FHIT: variants seen among roughly 807,000 people sequenced by gnomAD.
The protein encoded by FHIT is fragile histidine triad diadenosine triphosphatase.
Under a neutral mutation model 17.9 loss-of-function variants are expected in FHIT, and 19 were observed. The observed-to-expected ratio is 1.06, with a 90% CI of 0.74 to 1.56. The LOEUF (loss-of-function observed/expected upper bound fraction) is 1.56, where lower values mean the gene tolerates loss of function less well. FHIT is among the 40% of genes most tolerant of loss of function. FHIT has a pLI of 0.00. For synonymous variants in FHIT, 81 were observed against 69.7 expected, an observed-to-expected ratio of 1.16 and a Z score of -0.81; for missense variants, 248 against 189.2, an observed-to-expected ratio of 1.31 and a Z score of -1.82.
chr3:60,215,247 G>A (rs6808530), intron 5 of FHIT, among the ~76,000 whole-genome samples: 2 of 151,914 alleles, frequency 1.3e-5, no homozygotes, highest in Admixed American at 1.3e-4. Context: ...ATCCCAGCAC[G>A]TTGGGAGGCC....
intron 7 of FHIT, among the ~76,000 whole-genome samples, chr3:59,948,818 AT>A (rs1371646039): frequency 3.3e-5 from 5 of 150,522 alleles, no homozygotes; most frequent in African/African-American, 1.2e-4. Context: ...TGTATTGTTC[AT>A]TTTTTCTATC....
rs1410202207 is a variant in FHIT, at chr3:59,948,379, T to C, written c.280-25965A>G. ...AAAAAAAAAAAAAATTAGCCGGGCATAGTGGCATGTGCCTATAGTCCCAGC... is the reference window on the plus strand; with the variant it reads ...AAAAAAAAAAAAAATTAGCCGGGCACAGTGGCATGTGCCTATAGTCCCAGC... On this transcript the variant is annotated intron_variant, in intron 7 of 9. Transcript: ENST00000492590. Among the ~76,000 whole-genome samples, 3 of 142,974 alleles carry C rather than the reference T, an allele frequency of 2.1e-5. No individual in the cohort carries two copies. In the East Asian group the frequency reaches 6.3e-4, roughly 30 times the overall value. The allele number at this position is 142,974 out of a possible 152,430, so 93.8% of individuals were successfully genotyped here.
intron 4 of FHIT, among the ~76,000 whole-genome samples, chr3:60,539,001 G>C (rs912781826): frequency 2.6e-5 from 4 of 151,996 alleles, no homozygotes; most frequent in African/African-American, 9.7e-5. Flanking sequence ...AGAGTGAACA[G>C]GCAACCTACA....
At chr3:59,887,280 C>T (rs1287190473) in intron 8 of FHIT, among the ~76,000 whole-genome samples, 3 of 152,158 alleles carry the variant, frequency 2.0e-5, no homozygotes, top group Admixed American at 2.0e-4. Context: ...TCCCATGGCC[C>T]ATCTCTGTTC....
rs535882326 is a variant in FHIT at position 59,968,968 on chromosome 3, G to C, written c.279+42403C>G. ...TCTTCACTAGGGTCTCTTCATCTTC[G>C]AATTTTGCTGAGCATCATCACAGTC... On this transcript the variant is annotated intron_variant, in intron 7 of 9. Transcript: ENST00000492590. Among the ~76,000 whole-genome samples the C allele has an allele frequency of 2.6e-5, 4 of 152,240 alleles. No individual in the cohort carries two copies. The South Asian group carries it at 6.2e-4, about 24-fold the overall frequency.
intron 7 of FHIT, among the ~76,000 whole-genome samples, chr3:59,972,772 G>A (rs998542752): frequency 6.6e-6 from 1 of 152,082 alleles, no homozygotes; most frequent in Non-Finnish European, 1.5e-5. Flanking sequence ...ACAGGTCTCA[G>A]TAGTACTCCT....
intron 5 of FHIT, among the ~76,000 whole-genome samples, chr3:60,048,796 G>C (rs779818969): frequency 6.6e-6 from 1 of 152,170 alleles, no homozygotes; most frequent in African/African-American, 2.4e-5. Context: ...GATGCCCTCC[G>C]ATGACATTAA....
At chr3:61,050,003 CA>C (rs1398372206) in intron 2 of FHIT, among the ~76,000 whole-genome samples, 1 of 152,144 alleles carries the variant, frequency 6.6e-6, no homozygotes, top group Non-Finnish European at 1.5e-5. Context: ...ATCACACTCC[CA>C]ATCATATGTC....
chr3:59,789,637 G>C (rs975879877), intron 8 of FHIT, among the ~76,000 whole-genome samples: 4 of 152,188 alleles, frequency 2.6e-5, no homozygotes, highest in African/African-American at 9.6e-5. Context: ...TGGCTAGCCT[G>C]TGACATTGAG....
chr3:60,966,411 C>CT (rs746975470), intron 3 of FHIT, among the ~76,000 whole-genome samples: 20 of 152,364 alleles, frequency 1.3e-4, no homozygotes, highest in Non-Finnish European at 2.2e-4. Context: ...TCCCGCCCTG[C>CT]TTTGGCTCAT....
At chr3:60,494,813 T>C (rs2362897) in intron 5 of FHIT, among the ~76,000 whole-genome samples, 1 of 152,090 alleles carries the variant, frequency 6.6e-6, no homozygotes, top group African/African-American at 2.4e-5. Flanking sequence ...GATCTCATTC[T>C]TTTTTGTGGA....
At chr3:59,879,143 C>A (rs1013568248) in intron 8 of FHIT, among the ~76,000 whole-genome samples, 7 of 152,186 alleles carry the variant, frequency 4.6e-5, no homozygotes, top group Non-Finnish European at 8.8e-5. Flanking sequence ...CCAGAGATTA[C>A]TGATTACATC....
At chr3:60,407,203 G>C (rs1237740741) in intron 5 of FHIT, among the ~76,000 whole-genome samples, 1 of 150,422 alleles carries the variant, frequency 6.6e-6, no homozygotes, top group Non-Finnish European at 1.5e-5. Context: ...TCTGGAGCCA[G>C]GATATGATAT....
intron 5 of FHIT, among the ~76,000 whole-genome samples, chr3:60,436,396 T>A (rs1331086880): frequency 6.6e-6 from 1 of 152,068 alleles, no homozygotes; most frequent in Non-Finnish European, 1.5e-5. Context: ...GGCATTCAGA[T>A]TGAGTAACTT....
chr3:60,970,325 T>C (rs562941375), intron 3 of FHIT, among the ~76,000 whole-genome samples: 2 of 152,300 alleles, frequency 1.3e-5, no homozygotes, highest in African/African-American at 4.8e-5. Context: ...AATGTTTCTC[T>C]TTTTACAACT....
At chr3:61,039,685 A>C (rs1281971460) in intron 3 of FHIT, among the ~76,000 whole-genome samples, 1 of 152,122 alleles carries the variant, frequency 6.6e-6, no homozygotes, top group Non-Finnish European at 1.5e-5. Flanking sequence ...GGGGAACATC[A>C]CATACCGGGG....
At chr3:60,286,277 T>A (rs184137976) in intron 5 of FHIT, among the ~76,000 whole-genome samples, 1 of 152,364 alleles carries the variant, frequency 6.6e-6, no homozygotes, top group African/African-American at 2.4e-5. Flanking sequence ...ATTTTTCTAT[T>A]GTATCATTTT....
intron 4 of FHIT, among the ~76,000 whole-genome samples, chr3:60,674,187 G>A (rs1014878054): frequency 1.3e-5 from 2 of 151,944 alleles, no homozygotes; most frequent in African/African-American, 4.8e-5. Context: ...ATGTTGCTAA[G>A]GCCATTCAGT....
At chr3:59,799,849 G>T (rs1329745429) in intron 8 of FHIT, among the ~76,000 whole-genome samples, 1 of 152,166 alleles carries the variant, frequency 6.6e-6, no homozygotes, top group Non-Finnish European at 1.5e-5. Flanking sequence ...CCTTGTGGGG[G>T]CGATTTTTTA....
Sources: gnomAD v4.1 joint callset for allele counts (sites outside exome capture counted in the v4.1 genomes callset) on GRCh38, gnomAD v4.1.1 for gene constraint, MANE v1.5 for transcripts, NCBI Gene and HGNC (gene_info 2026-07-23, HGNC 2026-07-21) for gene names.